The following CHRM3 variants were observed in gnomAD, a reference collection of about 807,000 sequenced individuals.
The protein encoded by CHRM3 is cholinergic receptor muscarinic 3, also known as muscarinic acetylcholine receptor M3.
CHRM3 carries 11 observed loss-of-function variants against 41.8 expected under a neutral mutation model. That is an observed-to-expected ratio of 0.26 (90% confidence interval 0.17 to 0.44). The LOEUF (loss-of-function observed/expected upper bound fraction) is 0.44, where lower values mean the gene tolerates loss of function less well. Among genes scored for constraint, CHRM3 ranks in the 20% least tolerant of loss-of-function variants. CHRM3 has a pLI of 1.00. For missense variants in CHRM3, 571 were observed against 745.4 expected, an observed-to-expected ratio of 0.77 and a Z score of 2.72; for synonymous variants, 297 against 301.4, an observed-to-expected ratio of 0.99 and a Z score of 0.15.
At chr1:239,654,754 T>C (rs1672561018) in intron 4 of CHRM3, among the ~76,000 whole-genome samples, 1 of 152,158 alleles carries the variant, frequency 6.6e-6, no homozygotes. Flanking sequence ...TATTGGAACA[T>C]ATATCTGGCG....
At position 239,654,835 on chromosome 1, in the gene CHRM3, A is replaced by C. The variant is rs572836696; in HGVS notation, c.-250+22549A>C. 3.0e-4 allele frequency among the ~76,000 whole-genome samples: 45 copies of C among 152,360 alleles called. No homozygotes were observed. The South Asian group carries it at 8.9e-3, about 30-fold the overall frequency. ...ATCAGAGGAGATATTTCAGTGGCTTAGGAAAAATAATAAGACCCCAAGCTG... is the reference window on the plus strand; with the variant it reads ...ATCAGAGGAGATATTTCAGTGGCTTCGGAAAAATAATAAGACCCCAAGCTG... On this transcript the variant is annotated intron_variant, in intron 4 of 6. Coordinates refer to ENST00000676153, the MANE Select transcript of CHRM3 (RefSeq NM_001375978.1).
chr1:239,646,423 T>A (rs7540053), intron 4 of CHRM3, among the ~76,000 whole-genome samples: 3,469 of 152,280 alleles, frequency 0.023, 143 homozygotes, highest in African/African-American at 0.079. Flanking sequence ...GTTGTCATGG[T>A]CTATATTGTT....
At position 239,910,319 on chromosome 1, in the gene CHRM3, GTA is replaced by G. The variant is rs1207768024; in HGVS notation, c.*1109_*1110del. ...CATACACAGCAATATATATATATGTGTATATATATATATATGGCAAAGCAAAA... is the reference window on the plus strand; with the variant it reads ...CATACACAGCAATATATATATATGTGTATATATATATATGGCAAAGCAAAA... On this transcript the variant is annotated 3_prime_UTR_variant, in exon 7 of 7. Coordinates refer to ENST00000676153, the MANE Select transcript of CHRM3 (RefSeq NM_001375978.1). 7.0e-4 allele frequency: 110 copies of G among 156,712 alleles called. No individual in the cohort carries two copies. Among genetic ancestry groups the G allele is most frequent in the Admixed American group, 1.4e-4 (2 of 14,564 alleles). 9.7% of individuals were successfully genotyped at this position (156,712 alleles called of 1,614,324 possible). A position where few individuals can be genotyped will look rare whatever the true frequency, so the allele number is the denominator to read the frequency against.
intron 5 of CHRM3, among the ~76,000 whole-genome samples, chr1:239,821,985 C>CT (rs1672090907): frequency 6.6e-6 from 1 of 152,142 alleles, no homozygotes; most frequent in Non-Finnish European, 1.5e-5. Flanking sequence ...AGGAAGGTGC[C>CT]TGCTTCTCCT....
chr1:239,725,365 A>G (rs1412858650), intron 5 of CHRM3, among the ~76,000 whole-genome samples: 1 of 151,940 alleles, frequency 6.6e-6, no homozygotes, highest in African/African-American at 2.4e-5. Flanking sequence ...AAGCCTGCAT[A>G]TACAAATTAA....
chr1:239,870,320 G>C (rs1208936014), intron 6 of CHRM3, among the ~76,000 whole-genome samples: 1 of 152,198 alleles, frequency 6.6e-6, no homozygotes, highest in Non-Finnish European at 1.5e-5. Flanking sequence ...CAGTTGTCCA[G>C]ATAAGTAGAA....
At chr1:239,590,361 T>G (rs926690573) in intron 3 of CHRM3, among the ~76,000 whole-genome samples, 4 of 152,186 alleles carry the variant, frequency 2.6e-5, no homozygotes, top group African/African-American at 9.7e-5. Context: ...ATTCATGTCC[T>G]TAGAGACTTT....
At chr1:239,713,853 G>A (rs947895316) in intron 5 of CHRM3, among the ~76,000 whole-genome samples, 1 of 152,144 alleles carries the variant, frequency 6.6e-6, no homozygotes, top group East Asian at 1.9e-4. Flanking sequence ...AAAAAACGGT[G>A]TTCCATTAAA....
chr1:239,482,465 C>T (rs1483259018), intron 1 of CHRM3, among the ~76,000 whole-genome samples: 1 of 152,196 alleles, frequency 6.6e-6, no homozygotes, highest in Non-Finnish European at 1.5e-5. Context: ...GCTATAGTTT[C>T]TTTCATCAGC....
At chr1:239,658,719 GCTTCT>G (rs1283044412) in intron 4 of CHRM3, among the ~76,000 whole-genome samples, 3 of 151,890 alleles carry the variant, frequency 2.0e-5, no homozygotes, top group African/African-American at 7.3e-5. Context: ...TCCTCTCATA[GCTTCT>G]TCAAGATAAT....
At chr1:239,747,879 G>A (rs1665504022) in intron 5 of CHRM3, among the ~76,000 whole-genome samples, 2 of 151,656 alleles carry the variant, frequency 1.3e-5, no homozygotes, top group African/African-American at 4.8e-5. Flanking sequence ...TAAAAATACA[G>A]AAAAAAAATT....
intron 3 of CHRM3, chr1:239,629,200 C>T (rs1261521118): frequency 1.2e-4 from 18 of 145,158 alleles, no homozygotes; most frequent in African/African-American, 4.7e-4. Context: ...GATATAGTCT[C>T]GTGGTGCGCC....
At chr1:239,833,834 A>T (rs1673079916) in intron 6 of CHRM3, among the ~76,000 whole-genome samples, 1 of 152,148 alleles carries the variant, frequency 6.6e-6, no homozygotes, top group Non-Finnish European at 1.5e-5. Context: ...AGCTACCTTT[A>T]TACCACACTC....
chr1:239,531,396 A>ATATCAGAAT (rs946713429), intron 2 of CHRM3, among the ~76,000 whole-genome samples: 153 of 152,264 alleles, frequency 1.0e-3, no homozygotes, highest in African/African-American at 3.6e-3. Context: ...GACCCTGAGA[A>ATATCAGAAT]TATCAGAATT....
intron 5 of CHRM3, among the ~76,000 whole-genome samples, chr1:239,786,499 A>G (rs74866489): frequency 0.02 from 3,086 of 152,284 alleles, 93 homozygotes; most frequent in South Asian, 0.096. Flanking sequence ...TCACACAGCT[A>G]ATTAGCAGTA....
At chr1:239,582,030 G>A (rs1290981904) in intron 3 of CHRM3, among the ~76,000 whole-genome samples, 2 of 152,146 alleles carry the variant, frequency 1.3e-5, no homozygotes, top group East Asian at 3.9e-4. Context: ...TTTAACCTAA[G>A]TACTCTGCAA....
At chr1:239,637,155 A>G (rs889836601) in intron 4 of CHRM3, among the ~76,000 whole-genome samples, 2 of 152,178 alleles carry the variant, frequency 1.3e-5, no homozygotes, top group Non-Finnish European at 2.9e-5. Context: ...TCAGGTATAC[A>G]GAAATGATGA....
At chr1:239,602,110 G>GTGTATA (rs1307023039) in intron 3 of CHRM3, among the ~76,000 whole-genome samples, 10 of 112,844 alleles carry the variant, frequency 8.9e-5, no homozygotes, top group African/African-American at 2.7e-4. Flanking sequence ...GTGTGTGTGT[G>GTGTATA]TATATATATA....
intron 3 of CHRM3, chr1:239,546,287 C>G (rs1659294776): frequency 6.6e-6 from 1 of 152,034 alleles, no homozygotes; most frequent in African/African-American, 2.4e-5. Flanking sequence ...CATACTAGTC[C>G]CCTAATCTCT....
Sources: allele counts gnomAD v4.1 joint callset (sites outside exome capture counted in the v4.1 genomes callset), GRCh38; gene constraint gnomAD v4.1.1; transcripts MANE v1.5; gene names NCBI Gene and HGNC (gene_info 2026-07-23, HGNC 2026-07-21).